Variants in ANKRD27 observed in about 807,000 individuals in gnomAD.
The protein encoded by ANKRD27 is ankyrin repeat domain 27.
A neutral mutation model predicts 129.7 loss-of-function variants in ANKRD27; 112 were observed. That is an observed-to-expected ratio of 0.86 (90% CI 0.74 to 1.01). ANKRD27 has a LOEUF of 1.01. ANKRD27 is among the 50% of genes least tolerant of loss of function. The probability of loss-of-function intolerance (pLI) is 0.00; values close to 1 mark genes in which losing one functional copy is unlikely to be tolerated. For synonymous variants in ANKRD27, 516 were observed against 511.2 expected (o/e 1.01, Z -0.13); for missense variants, 1,258 against 1,300.5 (o/e 0.97, Z 0.50).
Position 32,653,727 on chromosome 19 carries a change from C to T in ANKRD27, c.103-3935G>A, listed in dbSNP as rs866923712. 1.2e-3 allele frequency among the ~76,000 whole-genome samples: 21 copies of T among 18,252 alleles called. No individual in the cohort carries two copies. In the Middle Eastern group the frequency reaches 0.11, roughly 97 times the overall value. The allele number at this position is 18,252 out of a possible 152,430, so 12.0% of individuals were successfully genotyped here. A position where few individuals can be genotyped will look rare whatever the true frequency, so the allele number is the denominator to read the frequency against. On this transcript the variant is annotated intron_variant, in intron 2 of 28. Coordinates refer to ENST00000306065, the MANE Select transcript of ANKRD27 (RefSeq NM_032139.3). ...CGAAGGAAGGCGCTTCGAGGCGTGGCGTGGCGGGGGCGGGGACGGGGTGGG... is the reference window on the plus strand; with the variant it reads ...CGAAGGAAGGCGCTTCGAGGCGTGGTGTGGCGGGGGCGGGGACGGGGTGGG...
At chr19:32,622,401 C>G in intron 18 of ANKRD27, 21 bp downstream of exon 18, 4 of 1,612,732 alleles carry the variant, frequency 2.5e-6, no homozygotes, top group Non-Finnish European at 3.4e-6. Context: ...CATCTTGCCC[C>G]TCAGAGATGG....
chr19:32,614,832 G>C (rs1971889412), intron 22 of ANKRD27, among the ~76,000 whole-genome samples: 1 of 152,126 alleles, frequency 6.6e-6, no homozygotes, highest in Admixed American at 6.6e-5. Flanking sequence ...AGAACAAGCA[G>C]AACTGGGGAA....
At chr19:32,612,019 G>T (rs1971842928) in intron 22 of ANKRD27, among the ~76,000 whole-genome samples, 1 of 152,222 alleles carries the variant, frequency 6.6e-6, no homozygotes, top group Admixed American at 6.5e-5. Flanking sequence ...GATTACAGGT[G>T]TATGACACTG....
chr19:32,622,426 G>T lies in ANKRD27; in HGVS notation c.1823C>A (p.Ser608Ter). Reference sequence around the variant, plus strand: ...CTCAGAGATGGGAAGAGCTACCTTTGAGTTTAATGCACACTTGAGGGGCGT... The same window carrying T: ...CTCAGAGATGGGAAGAGCTACCTTTTAGTTTAATGCACACTTGAGGGGCGT... ...KETPLKCALN[S>*]KILSVMEAYH... is the part of the protein sequence containing the mutation. The change falls in exon 18 of 29, where the codon TCA becomes TAA. Residue 608 changes from serine (S) to a stop codon, truncating the protein, a stop_gained. Transcript: ENST00000306065. LOFTEE classifies it high-confidence loss of function. 6.2e-7 allele frequency: 1 copy of T among 1,613,604 alleles called. No homozygotes were observed. The highest frequency in any genetic ancestry group is 1.1e-5 in the South Asian group (1 of 91,056).
At chr19:32,617,422 C>T (rs940552315) in intron 21 of ANKRD27, among the ~76,000 whole-genome samples, 167 bp downstream of exon 21, 1 of 152,130 alleles carries the variant, frequency 6.6e-6, no homozygotes, top group African/African-American at 2.4e-5. Flanking sequence ...CCGCGCACAA[C>T]TGTGGTCCCA....
intron 23 of ANKRD27, among the ~76,000 whole-genome samples, chr19:32,606,958 AAAAAAAAAAAAAAAAAG>A (rs1971750887): frequency 7.9e-6 from 1 of 125,928 alleles, no homozygotes; most frequent in East Asian, 2.7e-4. Context: ...AAAAAAAAAA[AAAAAAAAAAAAAAAAAG>A]AAAAATTTAT....
chr19:32,661,922 T>C (rs1454333674), intron 1 of ANKRD27, among the ~76,000 whole-genome samples: 1 of 152,194 alleles, frequency 6.6e-6, no homozygotes, highest in Non-Finnish European at 1.5e-5. Flanking sequence ...CTCTTTGCTT[T>C]TAAGGTCAGT....
chr19:32,636,723 CTATA>C (rs1274610525), intron 12 of ANKRD27, among the ~76,000 whole-genome samples: 4 of 143,272 alleles, frequency 2.8e-5, no homozygotes, highest in Admixed American at 7.0e-5. Context: ...CTCTCTCTCT[CTATA>C]TATATATATA....
At position 32,656,091 on chromosome 19, in the gene ANKRD27, G is replaced by GA. The variant is rs879787719; in HGVS notation, c.102+2822dup. On this transcript the variant is annotated intron_variant, in intron 2 of 28. Coordinates refer to ENST00000306065, the MANE Select transcript of ANKRD27 (RefSeq NM_032139.3). ...AGAAAGAAAGAAAGAAAGAAAGAAA[G>GA]AAAGAAAGAAAGAAAGAAAAGAAAA... Among the ~76,000 whole-genome samples, 658 of 117,610 alleles carry GA rather than the reference G, an allele frequency of 5.6e-3. 21 individuals carry two copies. The East Asian group carries it at 0.092, about 16-fold the overall frequency. The allele number at this position is 117,610 out of a possible 152,430, so 77.2% of individuals were successfully genotyped here.
At chr19:32,650,639 C>T (rs1568415488) in intron 2 of ANKRD27, among the ~76,000 whole-genome samples, 1 of 147,006 alleles carries the variant, frequency 6.8e-6, no homozygotes, top group Non-Finnish European at 1.5e-5. Context: ...CACATGATTG[C>T]ACTACTCCAG....
chr19:32,628,898 T>G (rs754367875), intron 13 of ANKRD27, 49 bp from the exon 14 acceptor site: 1 of 1,602,874 alleles, frequency 6.2e-7, no homozygotes, highest in South Asian at 1.1e-5. Flanking sequence ...ATTACTCAAT[T>G]ATTAGGAGTA....
chr19:32,605,940 C>A lies in ANKRD27; in HGVS notation c.2388G>T (p.Leu796=), dbSNP rs1286145971. The change falls in exon 24 of 29, where the codon CTG becomes CTT. Residue 796 remains leucine, a synonymous_variant. Transcript: ENST00000306065. ...TATTGGGTTTTGCATTCGAATCTAA[C>A]AGACACTTCACCACCTGGGCCAGAG... is the stretch of plus-strand genomic sequence containing the variant. ...QQGHFQVVKC[L]LDSNAKPNKK... 1 of 1,613,794 alleles carries A rather than the reference C, an allele frequency of 6.2e-7. No homozygotes were observed. The highest frequency in any genetic ancestry group is 8.5e-7 in the Non-Finnish European group (1 of 1,179,926).
intron 18 of ANKRD27, among the ~76,000 whole-genome samples, chr19:32,620,350 G>A (rs942850260): frequency 1.3e-5 from 2 of 150,308 alleles, no homozygotes; most frequent in African/African-American, 4.9e-5. Context: ...CTTGAGGTCA[G>A]GAGTTCAAGA....
intron 12 of ANKRD27, chr19:32,638,272 G>A (rs1195626036): frequency 1.3e-5 from 2 of 152,338 alleles, no homozygotes; most frequent in African/African-American, 4.8e-5. Context: ...GACTCAGACA[G>A]ATGTCGGGAC....
intron 14 of ANKRD27, 108 bp downstream of exon 14, chr19:32,628,614 G>A (rs1203708690): frequency 7.2e-7 from 1 of 1,395,472 alleles, no homozygotes; most frequent in South Asian, 1.3e-5. Flanking sequence ...CAGCTGGGGG[G>A]CAGGGAGGAC....
intron 10 of ANKRD27, among the ~76,000 whole-genome samples, chr19:32,641,421 GT>G (rs1288450524): frequency 6.6e-6 from 1 of 152,086 alleles, no homozygotes; most frequent in Non-Finnish European, 1.5e-5. Flanking sequence ...CCCATGTGGA[GT>G]TTCACTTTTT....
intron 10 of ANKRD27, 45 bp downstream of exon 10, chr19:32,641,979 G>T (rs368898644): frequency 6.0e-6 from 9 of 1,504,714 alleles, no homozygotes; most frequent in Non-Finnish European, 8.0e-6. Context: ...TTTTCATCTG[G>T]ATGTAGCATC....
chr19:32,632,441 C>T (rs1303968958), intron 12 of ANKRD27, among the ~76,000 whole-genome samples: 3 of 151,584 alleles, frequency 2.0e-5, no homozygotes, highest in East Asian at 1.9e-4. Context: ...AAAAATTAGC[C>T]GGGTGTGGTG....
At chr19:32,665,205 C>T (rs377128161) in intron 1 of ANKRD27, among the ~76,000 whole-genome samples, 2 of 151,682 alleles carry the variant, frequency 1.3e-5, no homozygotes, top group South Asian at 2.1e-4. Context: ...TTGTCCTTTA[C>T]AATATCAAAT....
Sources: gnomAD v4.1 joint callset for allele counts (sites outside exome capture counted in the v4.1 genomes callset) on GRCh38, gnomAD v4.1.1 for gene constraint, MANE v1.5 for transcripts, NCBI Gene and HGNC (gene_info 2026-07-23, HGNC 2026-07-21) for gene names.